The following TFEC variants were observed in gnomAD, a reference collection of about 807,000 sequenced individuals.
TFEC encodes the protein class E basic helix-loop-helix protein 34.
In TFEC, 31 loss-of-function variants were observed where a neutral mutation model predicts 41.6. That is an observed-to-expected ratio of 0.74 (90% confidence interval 0.56 to 1.01). The LOEUF is 1.01. TFEC is among the 50% of genes least tolerant of loss of function. The pLI, the probability that TFEC is intolerant of heterozygous loss-of-function variation, is 0.00. For missense variants in TFEC, 402 were observed against 404.1 expected (o/e 0.99, Z 0.04); for synonymous variants, 143 against 140.6 (o/e 1.02, Z -0.12).
intron 3 of TFEC, among the ~76,000 whole-genome samples, chr7:116,075,735 A>G (rs1467424132): frequency 1.3e-5 from 2 of 150,772 alleles, no homozygotes; most frequent in African/African-American, 4.8e-5. Context: ...CCAACCAAGG[A>G]GAGTCTGAGC....
chr7:115,993,963 A>G (rs1794242059), intron 1 of TFEC, among the ~76,000 whole-genome samples: 1 of 152,240 alleles, frequency 6.6e-6, no homozygotes. Context: ...CTATACTACA[A>G]GGCTACAGTA....
At chr7:116,025,123 C>G (rs1164889133) in intron 1 of TFEC, among the ~76,000 whole-genome samples, 1 of 152,126 alleles carries the variant, frequency 6.6e-6, no homozygotes, top group Non-Finnish European at 1.5e-5. Context: ...ATATGGAACA[C>G]TAGAGATGTC....
At chr7:116,024,871 C>T (rs553943207) in intron 1 of TFEC, among the ~76,000 whole-genome samples, 38 of 151,572 alleles carry the variant, frequency 2.5e-4, no homozygotes, top group Non-Finnish European at 4.6e-4. Context: ...TTTCCATCTC[C>T]TATCATATTC....
At chr7:115,982,003 C>T (rs1226710243) in intron 2 of TFEC, among the ~76,000 whole-genome samples, 2 of 152,134 alleles carry the variant, frequency 1.3e-5, no homozygotes, top group African/African-American at 4.8e-5. Context: ...AATTGTATCT[C>T]AGAAAGACCC....
chr7:116,078,903 C>G (rs1456909177), intron 3 of TFEC, among the ~76,000 whole-genome samples: 1 of 151,990 alleles, frequency 6.6e-6, no homozygotes. Context: ...GCCAATATCC[C>G]TGATGAACAC....
chr7:116,083,811 T>C (rs1352523866), intron 3 of TFEC, among the ~76,000 whole-genome samples: 2 of 151,862 alleles, frequency 1.3e-5, no homozygotes, highest in African/African-American at 4.8e-5. Flanking sequence ...CTTCAAAGAG[T>C]GGTTACCAAC....
chr7:116,140,200 T>G (rs78841495), intron 1 of TFEC, among the ~76,000 whole-genome samples: 3,068 of 152,236 alleles, frequency 0.02, 39 homozygotes, highest in Non-Finnish European at 0.032. Flanking sequence ...ACTTTTGGAA[T>G]CTAGAAAGAG....
At chr7:115,953,727 G>A (rs115981737) in intron 5 of TFEC, among the ~76,000 whole-genome samples, 1 of 152,018 alleles carries the variant, frequency 6.6e-6, no homozygotes. Flanking sequence ...TTATGACCAT[G>A]TGCCAGCTCT....
At chr7:116,038,112 A>T (rs1279713272) in intron 3 of TFEC, among the ~76,000 whole-genome samples, 1 of 152,064 alleles carries the variant, frequency 6.6e-6, no homozygotes, top group Non-Finnish European at 1.5e-5. Flanking sequence ...CCTGCAAATC[A>T]GTTTATAAGA....
chr7:116,016,178 G>C (rs1171665291), intron 1 of TFEC, among the ~76,000 whole-genome samples: 1 of 152,162 alleles, frequency 6.6e-6, no homozygotes, highest in Non-Finnish European at 1.5e-5. Context: ...AGGGATGAGG[G>C]AAGAGAAGGA....
At position 116,005,421 on chromosome 7, in the gene TFEC, G is replaced by C. The variant is rs557730066; in HGVS notation, c.-72-20908C>G. Among the ~76,000 whole-genome samples, 13 of 152,282 alleles carry C rather than the reference G, an allele frequency of 8.5e-5. 1 individual carries two copies. The South Asian group carries it at 2.3e-3, about 27-fold the overall frequency. On this transcript the variant is annotated intron_variant, in intron 1 of 7. Transcript: ENST00000265440. ...GAGATGAGGAACTTGTTGGGAACTG[G>C]AGCAAAGGCAACTCTTACTATGTTT...
chr7:116,099,366 T>C (rs1797550990), intron 3 of TFEC, among the ~76,000 whole-genome samples: 2 of 152,166 alleles, frequency 1.3e-5, no homozygotes. Flanking sequence ...AATAGCAATA[T>C]GTGGTAGATT....
At chr7:115,988,396 CA>C (rs1793953726) in intron 1 of TFEC, among the ~76,000 whole-genome samples, 3 of 151,700 alleles carry the variant, frequency 2.0e-5, no homozygotes, top group Non-Finnish European at 2.9e-5. Context: ...AAAAGGAATA[CA>C]AAAATCAAAA....
chr7:115,954,856 A>C (rs1486926833), intron 4 of TFEC, among the ~76,000 whole-genome samples: 1 of 152,016 alleles, frequency 6.6e-6, no homozygotes, highest in Non-Finnish European at 1.5e-5. Context: ...ATAAAAACTG[A>C]ATTTATTTTC....
intron 5 of TFEC, among the ~76,000 whole-genome samples, chr7:115,951,262 A>T (rs1007917864): frequency 2.6e-5 from 4 of 152,040 alleles, no homozygotes; most frequent in Non-Finnish European, 5.9e-5. Flanking sequence ...TAACTCTTTG[A>T]TTATTTCACA....
At chr7:116,009,573 T>C (rs554772604) in intron 1 of TFEC, among the ~76,000 whole-genome samples, 1 of 152,096 alleles carries the variant, frequency 6.6e-6, no homozygotes, top group East Asian at 1.9e-4. Flanking sequence ...ATTCACAGTA[T>C]ATTAGGGGAG....
intron 3 of TFEC, among the ~76,000 whole-genome samples, chr7:116,063,641 G>A (rs1796623348): frequency 6.6e-6 from 1 of 151,888 alleles, no homozygotes; most frequent in African/African-American, 2.4e-5. Context: ...AACACCCTGG[G>A]GTGATGATGG....
At chr7:115,946,396 CGTGTGTGTGTGTGTGTGT>C (rs3028673) in intron 6 of TFEC, among the ~76,000 whole-genome samples, 5 of 123,074 alleles carry the variant, frequency 4.1e-5, no homozygotes, top group Admixed American at 1.7e-4. Flanking sequence ...AGAAACATAA[CGTGTGTGTGTGTGTGTGT>C]GTGTGTGTGT....
intron 3 of TFEC, among the ~76,000 whole-genome samples, chr7:116,094,000 A>G (rs1371447812): frequency 3.3e-5 from 5 of 152,220 alleles, no homozygotes; most frequent in African/African-American, 1.2e-4. Flanking sequence ...GAAAGAACTT[A>G]TAAAAGTGAG....
Sources: gnomAD v4.1 joint callset for allele counts (sites outside exome capture counted in the v4.1 genomes callset) on GRCh38, gnomAD v4.1.1 for gene constraint, MANE v1.5 for transcripts, NCBI Gene and HGNC (gene_info 2026-07-23, HGNC 2026-07-21) for gene names.